The following REDIC1 variants were observed in gnomAD, a reference collection of about 807,000 sequenced individuals.
REDIC1 encodes regulator of DNA class I crossover intermediates 1.
At chr12:39,732,987 T>A in the REDIC1 span, among the ~76,000 whole-genome samples, 1 of 152,006 alleles carries the variant, frequency 6.6e-6, no homozygotes, top group Non-Finnish European at 1.5e-5. Context: ...TTGGAGGTGA[T>A]ACTTCAAGTC....
chr12:39,762,043 T>C, the REDIC1 span, among the ~76,000 whole-genome samples: 2 of 152,086 alleles, frequency 1.3e-5, no homozygotes, highest in African/African-American at 4.8e-5. Context: ...AGCTGAATAA[T>C]ATCAAGGAAT....
the REDIC1 span, among the ~76,000 whole-genome samples, chr12:39,693,135 A>G: frequency 3.9e-5 from 6 of 151,914 alleles, no homozygotes; most frequent in Admixed American, 3.9e-4. Flanking sequence ...TATATCTCCT[A>G]TGTATATTTT....
the REDIC1 span, among the ~76,000 whole-genome samples, chr12:39,877,023 A>G: frequency 6.6e-6 from 1 of 152,150 alleles, no homozygotes; most frequent in Non-Finnish European, 1.5e-5. Context: ...TTTTGGTACC[A>G]TATGCCAAAG....
chr12:39,646,974 A>G, the REDIC1 span: 3 of 918,892 alleles, frequency 3.3e-6, no homozygotes, highest in South Asian at 3.4e-5. Context: ...ACTGGAGAAA[A>G]TTATTTTAAA....
the REDIC1 span, among the ~76,000 whole-genome samples, chr12:39,702,320 A>G: frequency 6.6e-6 from 1 of 152,240 alleles, no homozygotes; most frequent in African/African-American, 2.4e-5. Context: ...ACCCAAGTAA[A>G]CTAGAAAATC....
chr12:39,817,924 C>T, the REDIC1 span, among the ~76,000 whole-genome samples: 1 of 152,188 alleles, frequency 6.6e-6, no homozygotes, highest in Admixed American at 6.5e-5. Context: ...TTCCAGGATA[C>T]ACATTCCTTG....
chr12:39,646,893 G>C, the REDIC1 span: 1 of 1,581,142 alleles, frequency 6.3e-7, no homozygotes, highest in African/African-American at 1.4e-5. Context: ...GTCCAGGTGA[G>C]ATTTTTAAAA....
chr12:39,649,953 G>GT, the REDIC1 span, among the ~76,000 whole-genome samples: 8 of 151,520 alleles, frequency 5.3e-5, no homozygotes, highest in Admixed American at 4.6e-4. Flanking sequence ...TGTCCTGGGT[G>GT]TTTTTTTGTT....
chr12:39,728,681 C>A, the REDIC1 span, among the ~76,000 whole-genome samples: 1 of 151,928 alleles, frequency 6.6e-6, no homozygotes, highest in African/African-American at 2.4e-5. Context: ...AGTGAAGAGT[C>A]CCTCTTTTTC....
chr12:39,688,101 A>G, the REDIC1 span, among the ~76,000 whole-genome samples: 1 of 152,212 alleles, frequency 6.6e-6, no homozygotes, highest in African/African-American at 2.4e-5. Flanking sequence ...CACTGGGGAT[A>G]AAATGGTGCT....
chr12:39,833,341 C>T, the REDIC1 span, among the ~76,000 whole-genome samples: 1 of 152,050 alleles, frequency 6.6e-6, no homozygotes, highest in African/African-American at 2.4e-5. Context: ...GGAGATATTT[C>T]GCCCTTTTTT....
the REDIC1 span, among the ~76,000 whole-genome samples, chr12:39,732,750 T>C: frequency 6.6e-6 from 1 of 152,160 alleles, no homozygotes; most frequent in Admixed American, 6.5e-5. Context: ...ATTTGATTGG[T>C]TTCAGTCCAT....
At chr12:39,676,356 G>A in the REDIC1 span, among the ~76,000 whole-genome samples, 1 of 152,098 alleles carries the variant, frequency 6.6e-6, no homozygotes, top group African/African-American at 2.4e-5. Context: ...AAGAACTTGA[G>A]TTTGAAGACA....
At chr12:39,805,201 C>T in the REDIC1 span, among the ~76,000 whole-genome samples, 4 of 152,084 alleles carry the variant, frequency 2.6e-5, no homozygotes, top group Non-Finnish European at 5.9e-5. Flanking sequence ...CTCTGCAGGG[C>T]GTGGTTTTTA....
the REDIC1 span, chr12:39,641,029 A>G: frequency 6.5e-6 from 10 of 1,547,788 alleles, no homozygotes; most frequent in Non-Finnish European, 8.9e-6. Context: ...TGTCAGCCTT[A>G]TGAGACTAAT....
chr12:39,891,475 T>C, the REDIC1 span, among the ~76,000 whole-genome samples: 1 of 152,170 alleles, frequency 6.6e-6, no homozygotes, highest in African/African-American at 2.4e-5. Context: ...GTGATTTATC[T>C]TAAGAAAGCA....
the REDIC1 span, chr12:39,691,905 T>C: frequency 1.5e-6 from 1 of 675,492 alleles, no homozygotes; most frequent in East Asian, 3.9e-5. Context: ...TAATTTTTCT[T>C]TGTGGTTTAA....
At chr12:39,880,933 C>T in the REDIC1 span, among the ~76,000 whole-genome samples, 1 of 152,174 alleles carries the variant, frequency 6.6e-6, no homozygotes, top group Non-Finnish European at 1.5e-5. Context: ...AAAATACATG[C>T]CCACTGGACA....
At chr12:39,802,732 C>G in the REDIC1 span, among the ~76,000 whole-genome samples, 9 of 151,760 alleles carry the variant, frequency 5.9e-5, no homozygotes, top group African/African-American at 2.2e-4. Context: ...TATAAAGATA[C>G]AGAGATAAAG....
Sources: allele counts gnomAD v4.1 joint callset (sites outside exome capture counted in the v4.1 genomes callset), GRCh38; gene constraint gnomAD v4.1.1; transcripts MANE v1.5; gene names NCBI Gene and HGNC (gene_info 2026-07-23, HGNC 2026-07-21).